Variants in OGG1 observed in about 807,000 individuals in gnomAD.
OGG1 encodes the protein N-glycosylase/DNA lyase.
In OGG1, 35 loss-of-function variants were observed where a neutral mutation model predicts 42.3. The ratio of observed to expected loss-of-function variants is 0.83; its 90% CI spans 0.63 to 1.10. The LOEUF is 1.10. OGG1 is among the 50% of genes least tolerant of loss of function. The probability of loss-of-function intolerance (pLI) is 0.00; values close to 1 mark genes in which losing one functional copy is unlikely to be tolerated. For synonymous variants in OGG1, 189 were observed against 179.0 expected (o/e 1.06, Z -0.44); for missense variants, 484 against 446.7 (o/e 1.08, Z -0.75).
At chr3:9,786,839 A>G (rs2078625715) in intron 3 of OGG1, among the ~76,000 whole-genome samples, 1 of 152,312 alleles carries the variant, frequency 6.6e-6, no homozygotes. Context: ...TGCACAAGTT[A>G]TATATTATTC....
At chr3:9,758,027 C>T, downstream of OGG1, 2 of 864,602 alleles carry the variant, frequency 2.3e-6, no homozygotes, top group Non-Finnish European at 1.7e-6. Flanking sequence ...TTTACACACA[C>T]ACACGCACAT....
intron 3 of OGG1, chr3:9,785,497 G>T: frequency 9.7e-7 from 1 of 1,028,136 alleles, no homozygotes; most frequent in Non-Finnish European, 1.5e-6. Context: ...GACCTACACT[G>T]ACAGTCTTCA....
chr3:9,761,677 GTCC>G, downstream of OGG1: 1 of 1,614,120 alleles, frequency 6.2e-7, no homozygotes, highest in Non-Finnish European at 8.5e-7. Context: ...CACTGCCCGG[GTCC>G]TCCATCTTGG....
chr3:9,786,872 T>C, intron 3 of OGG1: 1 of 733,412 alleles, frequency 1.4e-6, no homozygotes, highest in South Asian at 1.8e-5. Flanking sequence ...TATATATTAG[T>C]CCAGGTTTTT....
At position 9,750,300 on chromosome 3, in the gene OGG1, C is replaced by G. The variant is rs779669037; in HGVS notation, c.14C>G (p.Ala5Gly). 3.1e-6 allele frequency: 5 copies of G among 1,610,740 alleles called. No homozygotes were observed. The highest frequency in any genetic ancestry group is 4.2e-6 in the Non-Finnish European group (5 of 1,177,828). ...CCTGCTGTGGAAATGCCTGCCCGCG[C>G]GCTTCTGCCCAGGCGCATGGGGCAT... MPAR[A>G]LLPRRMGHRT... The change falls in exon 1 of 7, where the codon GCG becomes GGG. Residue 5 changes from alanine (A) to glycine (G), a missense_variant. Transcript: ENST00000344629.
chr3:9,761,408 A>C (rs1259141809), downstream of OGG1: 1 of 1,553,748 alleles, frequency 6.4e-7, no homozygotes, highest in Non-Finnish European at 8.7e-7. Context: ...AGAGGAAAGT[A>C]GGCGAGAGGA....
chr3:9,760,893 C>T (rs2077831188), downstream of OGG1: 3 of 1,374,292 alleles, frequency 2.2e-6, no homozygotes, highest in East Asian at 2.5e-5. Context: ...ATAAACTCTA[C>T]CAGCCCTGCC....
Position 9,756,462 on chromosome 3 carries a change from C to T in OGG1, c.748-9C>T. The T allele has an allele frequency of 6.2e-7, 1 of 1,614,150 alleles. No homozygotes were observed. The highest frequency in any genetic ancestry group is 8.5e-7 in the Non-Finnish European group (1 of 1,180,014). On this transcript the variant is annotated splice_polypyrimidine_tract_variant and intron_variant, in intron 4 of 6. Coordinates refer to ENST00000344629, the MANE Select transcript of OGG1 (RefSeq NM_002542.6). ...TCTTCCACAAGGGCTCATTCTGTGT[C>T]TGTCAAAGGTGGCTGACTGCATCTG...
At chr3:9,782,988 T>C (rs1415876985) in intron 3 of OGG1, 3 of 152,200 alleles carry the variant, frequency 2.0e-5, no homozygotes, top group Non-Finnish European at 4.4e-5. Context: ...CAGAACAAGA[T>C]GGATGGGAGT....
chr3:9,763,875 A>G (rs1321536037), intron 7 of OGG1, among the ~76,000 whole-genome samples: 3 of 152,334 alleles, frequency 2.0e-5, no homozygotes, highest in South Asian at 2.1e-4. Flanking sequence ...AATCCCAGCT[A>G]TCTGTGAGGC....
chr3:9,768,701 A>G (rs532797530), downstream of OGG1, among the ~76,000 whole-genome samples: 2 of 152,338 alleles, frequency 1.3e-5, no homozygotes, highest in East Asian at 1.9e-4. Flanking sequence ...ACCCATCCAC[A>G]GATGAGGCCA....
intron 2 of OGG1, among the ~76,000 whole-genome samples, chr3:9,774,933 GCTA>G (rs1559711548): frequency 6.6e-6 from 1 of 152,000 alleles, no homozygotes; most frequent in Non-Finnish European, 1.5e-5. Context: ...TTAGGACAAG[GCTA>G]TATGCTCCAA....
At chr3:9,775,008 G>T (rs1261257502) in intron 2 of OGG1, among the ~76,000 whole-genome samples, 1 of 146,514 alleles carries the variant, frequency 6.8e-6, no homozygotes, top group Non-Finnish European at 1.5e-5. Context: ...CCAGCACTTT[G>T]GGAGGCCGAG....
chr3:9,781,830 CTTCTTT>C (rs1559715567), intron 3 of OGG1, among the ~76,000 whole-genome samples: 1 of 129,780 alleles, frequency 7.7e-6, no homozygotes, highest in East Asian at 2.5e-4. Flanking sequence ...TTGCCCATTA[CTTCTTT>C]TTTTTTTTTT....
chr3:9,785,259 A>G, intron 3 of OGG1: 1 of 1,404,916 alleles, frequency 7.1e-7, no homozygotes, highest in South Asian at 1.2e-5. Flanking sequence ...GTTGAGATGG[A>G]GAGAAGCCAA....
At chr3:9,766,726 T>G (rs1303890366) in exon 8 of OGG1, 2 of 739,376 alleles carry the variant, frequency 2.7e-6, no homozygotes, top group Non-Finnish European at 3.4e-6. Context: ...TAAGAAGTCA[T>G]AAGTCAAAGA....
At chr3:9,763,250 C>T (rs201912657) in intron 7 of OGG1, 32 of 1,612,484 alleles carry the variant, frequency 2.0e-5, no homozygotes, top group East Asian at 1.1e-4. Flanking sequence ...CCAGGCATGG[C>T]GGTGTGCACC....
intron 7 of OGG1, chr3:9,763,365 CT>C: frequency 1.4e-6 from 1 of 728,104 alleles, no homozygotes; most frequent in Non-Finnish European, 2.2e-6. Flanking sequence ...TGACTAGCCA[CT>C]GCACTCCAGC....
chr3:9,790,125 C>G (rs1170459168), downstream of OGG1, among the ~76,000 whole-genome samples: 1 of 152,182 alleles, frequency 6.6e-6, no homozygotes, highest in African/African-American at 2.4e-5. Flanking sequence ...AAATTCAGCT[C>G]ATTTTCTGTG....
Sources: gnomAD v4.1 joint callset for allele counts (sites outside exome capture counted in the v4.1 genomes callset) on GRCh38, gnomAD v4.1.1 for gene constraint, MANE v1.5 for transcripts, NCBI Gene and HGNC (gene_info 2026-07-23, HGNC 2026-07-21) for gene names.